Variants in ADAMTS16 observed in about 807,000 individuals in gnomAD.
ADAMTS16 encodes A disintegrin and metalloproteinase with thrombospondin motifs 16.
ADAMTS16 carries 94 observed loss-of-function variants against 145.8 expected under a neutral mutation model. That is an observed-to-expected ratio of 0.64 (90% CI 0.55 to 0.77). The LOEUF (loss-of-function observed/expected upper bound fraction) is 0.77. Among genes scored for constraint, ADAMTS16 ranks in the 30% least tolerant of loss-of-function variants. The probability of loss-of-function intolerance (pLI) is 0.00; values close to 1 mark genes in which losing one functional copy is unlikely to be tolerated. For missense variants in ADAMTS16, 1,585 were observed against 1,591.5 expected (o/e 1.00, Z 0.07); for synonymous variants, 659 against 604.3 (o/e 1.09, Z -1.33).
chr5:5,301,054 A>G (rs1298712463), intron 18 of ADAMTS16, among the ~76,000 whole-genome samples: 1 of 152,106 alleles, frequency 6.6e-6, no homozygotes, highest in East Asian at 1.9e-4. Context: ...ATGAATTTTT[A>G]TTTTTATTTA....
At chr5:5,285,779 A>G (rs749698344) in intron 18 of ADAMTS16, among the ~76,000 whole-genome samples, 3 of 152,198 alleles carry the variant, frequency 2.0e-5, no homozygotes, top group Admixed American at 1.3e-4. Context: ...AGGCCACTTA[A>G]TGCCTTTTAA....
chr5:5,140,493 G>C lies in ADAMTS16; in HGVS notation c.26G>C (p.Arg9Pro). The change falls in exon 1 of 23, where the codon CGG becomes CCG. Residue 9 changes from arginine (R) to proline (P), a missense_variant. By Grantham distance (103) the Arg-to-Pro change is moderately radical (BLOSUM62 -2). Coordinates refer to ENST00000274181, the MANE Select transcript of ADAMTS16 (RefSeq NM_139056.4). MKPRARGW[R>P]GLAALWMLLA... is the part of the protein sequence containing the mutation. ...ATGAAGCCCCGCGCGCGCGGATGGC[G>C]GGGCTTGGCGGCGCTGTGGATGCTG... 6.6e-7 allele frequency: 1 copy of C among 1,517,470 alleles called. No individual in the cohort carries two copies. The highest frequency in any genetic ancestry group is 1.2e-5 in the South Asian group (1 of 82,180). 94.0% of individuals were successfully genotyped at this position (1,517,470 alleles called of 1,614,324 possible). A position where few individuals can be genotyped will look rare whatever the true frequency, so the allele number is the denominator to read the frequency against.
At chr5:5,287,154 T>C (rs1739136983) in intron 18 of ADAMTS16, among the ~76,000 whole-genome samples, 1 of 152,174 alleles carries the variant, frequency 6.6e-6, no homozygotes, top group African/African-American at 2.4e-5. Context: ...CTGCAGAGAA[T>C]GGAATTGTTC....
chr5:5,232,456 C>T lies in ADAMTS16; in HGVS notation c.1790C>T (p.Pro597Leu). 2.5e-6 allele frequency: 4 copies of T among 1,614,088 alleles called. No individual in the cohort carries two copies. The highest frequency in any genetic ancestry group is 1.7e-5 in the Admixed American group (1 of 60,006). ...GHWSDWSSWS[P>L]CSRTCGGGVS... ...TGGTCGGACTGGTCTTCTTGGTCCC[C>T]ATGCTCCAGGACCTGCGGAGGGGGA... The change falls in exon 12 of 23, where the codon CCA becomes CTA. Residue 597 changes from proline to leucine, a missense_variant. Pro to Leu is a moderately conservative substitution (Grantham distance 98, BLOSUM62 -3). Transcript: ENST00000274181.
intron 18 of ADAMTS16, among the ~76,000 whole-genome samples, chr5:5,268,112 G>T (rs558362136): frequency 8.5e-5 from 13 of 152,288 alleles, no homozygotes; most frequent in African/African-American, 3.1e-4. Flanking sequence ...CACATCCCAA[G>T]ATTATAAGCT....
At chr5:5,315,778 T>G (rs1186689899) in intron 21 of ADAMTS16, among the ~76,000 whole-genome samples, 1 of 152,230 alleles carries the variant, frequency 6.6e-6, no homozygotes. Context: ...GCTCTATCCT[T>G]GTGACCCTGA....
At chr5:5,316,811 G>A (rs544644309) in intron 21 of ADAMTS16, among the ~76,000 whole-genome samples, 8 of 152,126 alleles carry the variant, frequency 5.3e-5, no homozygotes, top group South Asian at 2.1e-4. Flanking sequence ...TCTCCCCGTC[G>A]GACCACCAGA....
At chr5:5,156,057 C>A (rs139948880) in intron 3 of ADAMTS16, among the ~76,000 whole-genome samples, 34 of 152,198 alleles carry the variant, frequency 2.2e-4, no homozygotes, top group African/African-American at 6.7e-4. Flanking sequence ...AGGGGCTAGA[C>A]AGGAAAGAGC....
At position 5,158,121 on chromosome 5, in the gene ADAMTS16, A is replaced by C. The variant is rs1734646832; in HGVS notation, c.501+11666A>C. Reference sequence around the variant, plus strand: ...CCAAGCCAGGGCAGGCTTCCTTCTTATGCATCCATACTACACCTTATTTTT... The same window carrying C: ...CCAAGCCAGGGCAGGCTTCCTTCTTCTGCATCCATACTACACCTTATTTTT... On this transcript the variant is annotated intron_variant, in intron 3 of 22. Coordinates refer to ENST00000274181, the MANE Select transcript of ADAMTS16 (RefSeq NM_139056.4). Among the ~76,000 whole-genome samples the C allele has an allele frequency of 1.3e-5, 2 of 152,206 alleles. 1 individual carries two copies. Among genetic ancestry groups the C allele is most frequent in the African/African-American group, 4.8e-5 (2 of 41,468 alleles).
At chr5:5,189,864 C>A in intron 6 of ADAMTS16, 107 bp from the exon 7 acceptor site, 2 of 1,372,908 alleles carry the variant, frequency 1.5e-6, no homozygotes, top group Non-Finnish European at 1.0e-6. Context: ...CCAGATCCAG[C>A]CATGTATTTG....
intron 8 of ADAMTS16, among the ~76,000 whole-genome samples, chr5:5,195,333 A>G (rs1382564066): frequency 5.9e-5 from 9 of 152,202 alleles, no homozygotes; most frequent in Admixed American, 5.9e-4. Flanking sequence ...CAAGGGCTGA[A>G]CTGCGCATTT....
chr5:5,206,294 C>T (rs1258538555), intron 9 of ADAMTS16, among the ~76,000 whole-genome samples: 43 of 145,586 alleles, frequency 3.0e-4, no homozygotes, highest in African/African-American at 6.3e-4. Context: ...GGCGTAGTGG[C>T]GGGCGCCTGT....
At chr5:5,296,360 C>T (rs529950304) in intron 18 of ADAMTS16, among the ~76,000 whole-genome samples, 14 of 152,310 alleles carry the variant, frequency 9.2e-5, no homozygotes, top group African/African-American at 1.9e-4. Flanking sequence ...TGTTTTCCTC[C>T]GGAGGAATCG....
At chr5:5,298,995 G>A (rs992161980) in intron 18 of ADAMTS16, among the ~76,000 whole-genome samples, 6 of 151,942 alleles carry the variant, frequency 3.9e-5, no homozygotes, top group East Asian at 1.9e-4. Flanking sequence ...ACCGCCTAGC[G>A]AATGCTGTAT....
intron 15 of ADAMTS16, 136 bp downstream of exon 15, chr5:5,239,410 G>C: frequency 7.5e-7 from 1 of 1,335,798 alleles, no homozygotes; most frequent in Non-Finnish European, 1.0e-6. Flanking sequence ...CTGGCGCTTT[G>C]CTTCTCGAGC....
chr5:5,150,819 T>C (rs562245019), intron 3 of ADAMTS16, among the ~76,000 whole-genome samples: 2 of 152,382 alleles, frequency 1.3e-5, no homozygotes, highest in African/African-American at 4.8e-5. Flanking sequence ...GCACTTTCAA[T>C]ATGTCATCCT....
At chr5:5,158,397 T>C (rs1344957303) in intron 3 of ADAMTS16, among the ~76,000 whole-genome samples, 1 of 152,152 alleles carries the variant, frequency 6.6e-6, no homozygotes, top group African/African-American at 2.4e-5. Flanking sequence ...ATGCTAGTTC[T>C]ATCTGTACTG....
In ADAMTS16 at chr5:5,146,214, G is replaced by A; in HGVS notation, c.260G>A (p.Arg87Lys). Residue 87 changes from arginine to lysine, a missense_variant, in exon 3 of 23, where the codon AGA becomes AAA. Physicochemically the swap from Arg to Lys is conservative, Grantham distance 26 (BLOSUM62 2). This residue lies in a region of ADAMTS16 where 453 missense variants were observed against 412.1 expected (regional missense o/e 1.10). Transcript: ENST00000274181. ...ATCATGCACCATCAGCGGCGGAGAAGAGCAGTGCCCGTGTCCGAGGTTGAG... is the reference window on the plus strand; with the variant it reads ...ATCATGCACCATCAGCGGCGGAGAAAAGCAGTGCCCGTGTCCGAGGTTGAG... Reference protein sequence around the residue: ...HEIMHHQRRRRAVPVSEVESL... With the variant: ...HEIMHHQRRRKAVPVSEVESL... 6.2e-7 allele frequency: 1 copy of A among 1,614,196 alleles called. No individual in the cohort carries two copies. Among genetic ancestry groups the A allele is most frequent in the Non-Finnish European group, 8.5e-7 (1 of 1,180,028 alleles).
intron 21 of ADAMTS16, among the ~76,000 whole-genome samples, chr5:5,307,170 G>A (rs1740207979): frequency 6.6e-6 from 1 of 152,018 alleles, no homozygotes; most frequent in Non-Finnish European, 1.5e-5. Context: ...TCCTTCCTCG[G>A]GGTCTTTGTT....
Sources: allele counts gnomAD v4.1 joint callset (sites outside exome capture counted in the v4.1 genomes callset), GRCh38; gene constraint gnomAD v4.1.1; regional missense constraint gnomAD v4.1.1; transcripts MANE v1.5; gene names NCBI Gene and HGNC (gene_info 2026-07-23, HGNC 2026-07-21).